The following ZNF675 variants were observed in gnomAD, a reference collection of about 807,000 sequenced individuals.
ZNF675 encodes TRAF6 inhibitory zinc finger.
A neutral mutation model predicts 56.1 loss-of-function variants in ZNF675; 36 were observed. The ratio of observed to expected loss-of-function variants is 0.64; its 90% CI spans 0.49 to 0.85. The LOEUF (loss-of-function observed/expected upper bound fraction) is 0.85, where lower values mean the gene tolerates loss of function less well. Among genes scored for constraint, ZNF675 ranks in the 40% least tolerant of loss-of-function variants. The pLI is 0.00. For missense variants in ZNF675, 663 were observed against 654.2 expected, an observed-to-expected ratio of 1.01 and a Z score of -0.15; for synonymous variants, 200 against 218.9, an observed-to-expected ratio of 0.91 and a Z score of 0.76.
chr19:23,669,179 C>CT (rs778540344), intron 1 of ZNF675, among the ~76,000 whole-genome samples: 16 of 152,218 alleles, frequency 1.1e-4, no homozygotes, highest in Non-Finnish European at 2.2e-4. Flanking sequence ...CAGAGCCACT[C>CT]TGATGTTCTC....
At chr19:23,668,460 C>T (rs1968183927) in intron 1 of ZNF675, among the ~76,000 whole-genome samples, 1 of 149,224 alleles carries the variant, frequency 6.7e-6, no homozygotes, top group Non-Finnish European at 1.5e-5. Context: ...GCCCAGCTGG[C>T]TTCACCCAGT....
intron 1 of ZNF675, among the ~76,000 whole-genome samples, chr19:23,663,395 A>T (rs188255992): frequency 1.2e-4 from 18 of 152,312 alleles, no homozygotes; most frequent in Admixed American, 3.9e-4. Context: ...TTTCTAAATA[A>T]TAACATATAT....
intron 1 of ZNF675, among the ~76,000 whole-genome samples, chr19:23,673,721 A>G (rs1380345064): frequency 6.6e-6 from 1 of 152,218 alleles, no homozygotes; most frequent in African/African-American, 2.4e-5. Context: ...TATCTAATGC[A>G]TGTGGGGCTT....
At position 23,687,082 on chromosome 19, in the gene ZNF675, T is replaced by G. The variant is rs1453436980; in HGVS notation, c.-49A>C. 6.2e-7 allele frequency: 1 copy of G among 1,611,746 alleles called. No homozygotes were observed. Among genetic ancestry groups the G allele is most frequent in the African/African-American group, 1.3e-5 (1 of 74,972 alleles). ...GAGTCTTAGCTGTGGATCTCTCAATTTCTGCAGGTCACAGGCCCACAGAGG... is the reference window on the plus strand; with the variant it reads ...GAGTCTTAGCTGTGGATCTCTCAATGTCTGCAGGTCACAGGCCCACAGAGG... On this transcript the variant is annotated 5_prime_UTR_variant, in exon 1 of 4. Transcript: ENST00000359788.
intron 1 of ZNF675, among the ~76,000 whole-genome samples, chr19:23,685,886 GA>G (rs1968436623): frequency 6.6e-6 from 1 of 152,136 alleles, no homozygotes; most frequent in Non-Finnish European, 1.5e-5. Flanking sequence ...AGAGAACTGT[GA>G]AAAATGCAGG....
chr19:23,657,425 A>G (rs989444681), intron 3 of ZNF675, among the ~76,000 whole-genome samples: 3 of 152,250 alleles, frequency 2.0e-5, no homozygotes, highest in African/African-American at 7.2e-5. Flanking sequence ...GGTGAAAATA[A>G]GACTATCTCA....
At chr19:23,665,502 T>G (rs924894958) in intron 1 of ZNF675, among the ~76,000 whole-genome samples, 2 of 151,552 alleles carry the variant, frequency 1.3e-5, no homozygotes, top group Non-Finnish European at 1.5e-5. Context: ...CTTTGGGTTT[T>G]TGTGTGTGTG....
rs1190121959 is a variant in ZNF675, at chr19:23,687,201, G to A, written c.-168C>T. ...ACAAAGGCGCCGCCAAATCCCGGAA[G>A]CCATCTTGTCTGCTCCAGCTGCGTG... On this transcript the variant is annotated 5_prime_UTR_variant, in exon 1 of 4. Transcript: ENST00000359788. The A allele has an allele frequency of 3.8e-6, 3 of 782,722 alleles. No individual in the cohort carries two copies. The highest frequency in any genetic ancestry group is 1.8e-5 in the African/African-American group (1 of 57,054). 48.5% of individuals were successfully genotyped at this position (782,722 alleles called of 1,614,324 possible).
At position 23,687,056 on chromosome 19, in the gene ZNF675, G is replaced by A; in HGVS notation, c.-23C>T. 8 of 1,613,496 alleles carry A rather than the reference G, an allele frequency of 5.0e-6. No homozygotes were observed. The highest frequency in any genetic ancestry group is 6.8e-6 in the Non-Finnish European group (8 of 1,179,640). On this transcript the variant is annotated 5_prime_UTR_variant, in exon 1 of 4. Transcript: ENST00000359788. ...CATTTCTAGGCTTCCAGGGGGTCCT[G>A]GAGTCTTAGCTGTGGATCTCTCAAT... is the stretch of plus-strand genomic sequence containing the variant.
At position 23,653,312 on chromosome 19, in the gene ZNF675, A is replaced by C; in HGVS notation, c.1621T>G (p.Cys541Gly). ...TGEKPYKCER[C>G]DKAFNQSANL... Reference sequence around the variant, plus strand: ...GCAGATTGGTTAAAAGCTTTGTCACATCTCTCACATTTATAGGGTTTCTCT... The same window carrying C: ...GCAGATTGGTTAAAAGCTTTGTCACCTCTCTCACATTTATAGGGTTTCTCT... Residue 541 changes from cysteine (C) to glycine (G), a missense_variant, in exon 4 of 4, where the codon TGT becomes GGT. Cys to Gly is a radical substitution (Grantham distance 159). Around this residue, in one of 3 missense-constraint regions of ZNF675, gnomAD observed 617 missense variants for 590.5 expected, o/e 1.04. Coordinates refer to ENST00000359788, the MANE Select transcript of ZNF675 (RefSeq NM_138330.3). 2 of 1,613,780 alleles carry C rather than the reference A, an allele frequency of 1.2e-6. No homozygotes were observed. The highest frequency in any genetic ancestry group is 1.7e-6 in the Non-Finnish European group (2 of 1,179,924).
chr19:23,656,157 A>G (rs1310155775), intron 3 of ZNF675: 1 of 152,244 alleles, frequency 6.6e-6, no homozygotes, highest in East Asian at 1.9e-4. Flanking sequence ...GAATAAAACA[A>G]AAAATTAAAA....
chr19:23,668,219 A>C (rs545098283), intron 1 of ZNF675, among the ~76,000 whole-genome samples: 1 of 148,874 alleles, frequency 6.7e-6, no homozygotes, highest in Non-Finnish European at 1.5e-5. Context: ...AATCCCTGAG[A>C]TAGACACAGG....
intron 3 of ZNF675, 89 bp downstream of exon 3, chr19:23,662,025 C>T: frequency 2.1e-6 from 2 of 970,078 alleles, no homozygotes; most frequent in Non-Finnish European, 1.6e-6. Flanking sequence ...ACACGGCTTC[C>T]CAAATCACAT....
intron 1 of ZNF675, among the ~76,000 whole-genome samples, chr19:23,664,136 TA>T (rs1185102788): frequency 1.3e-5 from 2 of 151,920 alleles, no homozygotes; most frequent in Non-Finnish European, 2.9e-5. Flanking sequence ...AGTTTGCAAG[TA>T]CTAAACGCAT....
At chr19:23,658,808 G>GAGATATAGATCT (rs1968024113) in intron 3 of ZNF675, 1 of 3,914 alleles carries the variant, frequency 2.6e-4, no homozygotes, top group Non-Finnish European at 6.8e-4. Flanking sequence ...GATATCTATA[G>GAGATATAGATCT]AGATATAGAT....
intron 1 of ZNF675, among the ~76,000 whole-genome samples, chr19:23,680,578 G>A (rs541978402): frequency 2.7e-4 from 41 of 151,604 alleles, no homozygotes; most frequent in African/African-American, 9.5e-4. Flanking sequence ...CCAACATGGT[G>A]AAACCCTGTC....
rs549562807 is a variant in ZNF675 at position 23,683,392 on chromosome 19, C to T, written c.3+3639G>A. Among the ~76,000 whole-genome samples the T allele has an allele frequency of 5.4e-5, 8 of 148,974 alleles. 1 individual carries two copies. In the South Asian group the frequency reaches 1.7e-3, roughly 31 times the overall value. Reference sequence around the variant, plus strand: ...ATCTATGTAACTCACCAATTATCTACTACATTTTCTTGTGGAAAGGTATTT... The same window carrying T: ...ATCTATGTAACTCACCAATTATCTATTACATTTTCTTGTGGAAAGGTATTT... On this transcript the variant is annotated intron_variant, in intron 1 of 3. Transcript: ENST00000359788.
At chr19:23,655,511 T>C (rs571802724) in intron 3 of ZNF675, 232 of 152,056 alleles carry the variant, frequency 1.5e-3, no homozygotes, top group African/African-American at 5.4e-3. Flanking sequence ...AACTAGCTCT[T>C]ACTTGAATTA....
intron 3 of ZNF675, among the ~76,000 whole-genome samples, chr19:23,660,806 ATT>A (rs1968066062): frequency 6.6e-6 from 1 of 152,208 alleles, no homozygotes. Flanking sequence ...TTCCAGTGGC[ATT>A]TGTTTTTCAC....
Sources: gnomAD v4.1 joint callset for allele counts (sites outside exome capture counted in the v4.1 genomes callset) on GRCh38, gnomAD v4.1.1 for gene constraint, gnomAD v4.1.1 regional missense constraint, MANE v1.5 for transcripts, NCBI Gene and HGNC (gene_info 2026-07-23, HGNC 2026-07-21) for gene names.